Variants in LURAP1L observed in about 807,000 individuals in gnomAD.
The protein encoded by LURAP1L is leucine rich adaptor protein 1-like.
LURAP1L carries 12 observed loss-of-function variants against 13.8 expected under a neutral mutation model. The observed-to-expected ratio is 0.87, with a 90% CI of 0.56 to 1.41. The LOEUF (loss-of-function observed/expected upper bound fraction) is 1.41. Among genes scored for constraint, LURAP1L ranks in the 40% most tolerant of loss-of-function variants. The pLI is 0.00. For synonymous variants in LURAP1L, 139 were observed against 119.2 expected (o/e 1.17, Z -1.08); for missense variants, 375 against 292.9 (o/e 1.28, Z -2.04).
chr9:12,821,419 C>A lies in LURAP1L; in HGVS notation c.346C>A (p.Arg116Ser), dbSNP rs754557712. 47 of 1,613,904 alleles carry A rather than the reference C, an allele frequency of 2.9e-5. No homozygotes were observed. Among genetic ancestry groups the A allele is most frequent in the Non-Finnish European group, 3.5e-5 (41 of 1,179,972 alleles). ...CAGAGCCACAGACGTCAGGCTCATG[C>A]GCCAGTTGCTTGTAATCAATGAGAG... ...NLRATDVRLM[R>S]QLLVINESIE... is the part of the protein sequence containing the mutation. Residue 116 changes from arginine to serine, a missense_variant, in exon 2 of 2, where the codon CGC becomes AGC. Physicochemically the swap from Arg to Ser is moderately radical, Grantham distance 110. Transcript: ENST00000319264.
Position 12,775,677 on chromosome 9 carries a change from G to A in LURAP1L, c.-39G>A. The A allele has an allele frequency of 6.5e-7, 1 of 1,528,910 alleles. No homozygotes were observed. Among genetic ancestry groups the A allele is most frequent in the African/African-American group, 1.4e-5 (1 of 71,884 alleles). 94.7% of individuals were successfully genotyped at this position (1,528,910 alleles called of 1,614,324 possible). On this transcript the variant is annotated 5_prime_UTR_variant, in exon 1 of 2. Coordinates refer to ENST00000319264, the MANE Select transcript of LURAP1L (RefSeq NM_203403.2). ...TCGAAGCCGTGGCTGCCTTTCATCT[G>A]CTGCGTTTTATTACTATTATCGCCG...
chr9:12,799,647 G>A (rs1819557087), intron 1 of LURAP1L, among the ~76,000 whole-genome samples: 1 of 152,102 alleles, frequency 6.6e-6, no homozygotes, highest in African/African-American at 2.4e-5. Context: ...TTGGGAGGCC[G>A]AGGTGGATGG....
intron 1 of LURAP1L, among the ~76,000 whole-genome samples, chr9:12,805,794 A>C (rs1401843517): frequency 2.6e-5 from 4 of 152,192 alleles, no homozygotes; most frequent in Non-Finnish European, 4.4e-5. Context: ...CGGCTGTTTT[A>C]TACACCTGTT....
At chr9:12,790,151 A>G (rs1819420412) in intron 1 of LURAP1L, among the ~76,000 whole-genome samples, 1 of 152,158 alleles carries the variant, frequency 6.6e-6, no homozygotes. Context: ...AAAGATTTCC[A>G]AAGAGTGAAA....
At chr9:12,778,777 G>C (rs1409366083) in intron 1 of LURAP1L, among the ~76,000 whole-genome samples, 2 of 152,182 alleles carry the variant, frequency 1.3e-5, no homozygotes, top group Non-Finnish European at 2.9e-5. Context: ...TGCTAAGCAT[G>C]CTGCTGATTG....
rs543234664 is a variant in LURAP1L, at chr9:12,794,538, G to T, written c.312+18511G>T. 2.0e-5 allele frequency among the ~76,000 whole-genome samples: 3 copies of T among 152,006 alleles called. No individual in the cohort carries two copies. The South Asian group carries it at 6.2e-4, about 31-fold the overall frequency. On this transcript the variant is annotated intron_variant, in intron 1 of 1. Transcript: ENST00000319264. ...AAGTATATGCTGAGAATGTCAGATT[G>T]GTTCATACACTTGGAAATGAATTTA...
At chr9:12,797,030 G>T (rs1251208333) in intron 1 of LURAP1L, among the ~76,000 whole-genome samples, 2 of 151,814 alleles carry the variant, frequency 1.3e-5, no homozygotes, top group African/African-American at 4.8e-5. Flanking sequence ...TATCACTGGG[G>T]TTCTTTCTTG....
Position 12,775,608 on chromosome 9 carries a change from G to A in LURAP1L, c.-108G>A, listed in dbSNP as rs879384762. 2.1e-6 allele frequency: 3 copies of A among 1,457,526 alleles called. No homozygotes were observed. The highest frequency in any genetic ancestry group is 2.7e-6 in the Non-Finnish European group (3 of 1,105,198). 90.3% of individuals were successfully genotyped at this position (1,457,526 alleles called of 1,614,324 possible). ...CGGTACACCGGAGCGGCGGAGGATA[G>A]AGACCCTGGCCCCCGGAGAGGTCTG... On this transcript the variant is annotated 5_prime_UTR_variant, in exon 1 of 2. An upstream open reading frame in the 5' UTR loses its in-frame stop. Transcript: ENST00000319264.
At chr9:12,808,331 T>G (rs1819689158) in intron 1 of LURAP1L, among the ~76,000 whole-genome samples, 1 of 152,134 alleles carries the variant, frequency 6.6e-6, no homozygotes, top group African/African-American at 2.4e-5. Flanking sequence ...TTTAAAAAAT[T>G]GTGGCAAAAT....
chr9:12,802,150 TCCTTTGTTGTTATTAGTACATTTTAC>T (rs796417973), intron 1 of LURAP1L, among the ~76,000 whole-genome samples: 4 of 152,290 alleles, frequency 2.6e-5, no homozygotes, highest in African/African-American at 9.6e-5. Context: ...TTCTGTAACT[TCCTTTGTTGTTATTAGTACATTTTAC>T]CCACACTAAA....
At chr9:12,800,023 A>T (rs1258699853) in intron 1 of LURAP1L, among the ~76,000 whole-genome samples, 1 of 152,196 alleles carries the variant, frequency 6.6e-6, no homozygotes, top group Admixed American at 6.5e-5. Context: ...TAACTTTTAC[A>T]TTCTCTTTTT....
At chr9:12,791,227 T>C (rs1819436325) in intron 1 of LURAP1L, among the ~76,000 whole-genome samples, 1 of 152,172 alleles carries the variant, frequency 6.6e-6, no homozygotes. Context: ...ATAATGAATT[T>C]TAAGGAATCG....
chr9:12,818,601 G>A (rs6474736), intron 1 of LURAP1L, among the ~76,000 whole-genome samples: 2 of 152,010 alleles, frequency 1.3e-5, no homozygotes, highest in South Asian at 2.1e-4. Context: ...CTAACAGGAC[G>A]GTAGTGGTGA....
intron 1 of LURAP1L, among the ~76,000 whole-genome samples, chr9:12,798,434 T>G (rs1007664384): frequency 3.9e-5 from 6 of 152,340 alleles, no homozygotes; most frequent in African/African-American, 1.4e-4. Flanking sequence ...ATTTTAAAAC[T>G]GAAGGACAAT....
At chr9:12,812,756 ACT>A (rs923871125) in intron 1 of LURAP1L, among the ~76,000 whole-genome samples, 126 of 151,922 alleles carry the variant, frequency 8.3e-4, no homozygotes, top group African/African-American at 2.9e-3. Flanking sequence ...TTGCTGAACA[ACT>A]CTGCATTATA....
Position 12,822,343 on chromosome 9 carries a change from G to A in LURAP1L, c.*583G>A, listed in dbSNP as rs1182047483. Among the ~76,000 whole-genome samples, 1 of 152,124 alleles carries A rather than the reference G, an allele frequency of 6.6e-6. No individual in the cohort carries two copies. Among genetic ancestry groups the A allele is most frequent in the African/African-American group, 2.4e-5 (1 of 41,412 alleles). On this transcript the variant is annotated 3_prime_UTR_variant, in exon 2 of 2. Coordinates refer to ENST00000319264, the MANE Select transcript of LURAP1L (RefSeq NM_203403.2). The stretch of plus-strand genomic sequence containing the variant: ...GAAAGTCCCCAACTATACACATTCT[G>A]TTCAACCAACTCACCCTTGTGTTGG...
rs1304426765 is a variant in LURAP1L at position 12,822,681 on chromosome 9, C to T, written c.*921C>T. On this transcript the variant is annotated 3_prime_UTR_variant, in exon 2 of 2. Coordinates refer to ENST00000319264, the MANE Select transcript of LURAP1L (RefSeq NM_203403.2). ...GCTTCCCTAAAGCAGAATTGTTATT[C>T]ATTTAAGAAGTCTAATATGATATAC... is the stretch of plus-strand genomic sequence containing the variant. Among the ~76,000 whole-genome samples the T allele has an allele frequency of 6.6e-6, 1 of 152,078 alleles. No homozygotes were observed. The highest frequency in any genetic ancestry group is 6.6e-5 in the Admixed American group (1 of 15,264).
At chr9:12,794,818 A>G (rs1819490460) in intron 1 of LURAP1L, among the ~76,000 whole-genome samples, 1 of 151,754 alleles carries the variant, frequency 6.6e-6, no homozygotes, top group Non-Finnish European at 1.5e-5. Context: ...GAGAGGCATC[A>G]AGTGACTAAA....
At chr9:12,789,257 T>C (rs1819407376) in intron 1 of LURAP1L, among the ~76,000 whole-genome samples, 1 of 152,160 alleles carries the variant, frequency 6.6e-6, no homozygotes, top group Non-Finnish European at 1.5e-5. Flanking sequence ...AGATGATATA[T>C]GTAAAGTAGC....
Sources: gnomAD v4.1 joint callset for allele counts (sites outside exome capture counted in the v4.1 genomes callset) on GRCh38, gnomAD v4.1.1 for gene constraint, MANE v1.5 for transcripts, NCBI Gene and HGNC (gene_info 2026-07-23, HGNC 2026-07-21) for gene names.